XYLT1: variants seen among roughly 807,000 people sequenced by gnomAD.
XYLT1 encodes the protein beta-D-xylosyltransferase 1.
A neutral mutation model predicts 91.3 loss-of-function variants in XYLT1; 36 were observed. The observed-to-expected ratio is 0.39, with a 90% CI of 0.30 to 0.52. The LOEUF is 0.52. Among genes scored for constraint, XYLT1 ranks in the 20% least tolerant of loss-of-function variants. The pLI is 0.68. For missense variants in XYLT1, 1,242 were observed against 1,284.5 expected, an observed-to-expected ratio of 0.97 and a Z score of 0.51; for synonymous variants, 588 against 532.0, an observed-to-expected ratio of 1.11 and a Z score of -1.45.
intron 2 of XYLT1, among the ~76,000 whole-genome samples, chr16:17,339,901 A>C (rs1412389124): frequency 6.7e-6 from 1 of 148,384 alleles, no homozygotes; most frequent in Non-Finnish European, 1.5e-5. Context: ...TCCATCCATC[A>C]CCTATCCATC....
intron 1 of XYLT1, among the ~76,000 whole-genome samples, chr16:17,370,041 A>G (rs1201829875): frequency 6.6e-6 from 1 of 152,130 alleles, no homozygotes; most frequent in Non-Finnish European, 1.5e-5. Flanking sequence ...AGACCCTTAC[A>G]AAGCCCCAGC....
intron 1 of XYLT1, 73 bp from the exon 2 acceptor site, chr16:17,358,123 T>G: frequency 1.4e-6 from 2 of 1,471,514 alleles, no homozygotes; most frequent in Non-Finnish European, 1.8e-6. Flanking sequence ...ATCTTTTTCT[T>G]TCTTTCCTTT....
At chr16:17,412,832 G>A (rs1002873500) in intron 1 of XYLT1, among the ~76,000 whole-genome samples, 2 of 151,986 alleles carry the variant, frequency 1.3e-5, no homozygotes, top group African/African-American at 4.8e-5. Flanking sequence ...ATTCCTTTCC[G>A]AGATGTTTTC....
At chr16:17,421,246 G>A (rs546511831) in intron 1 of XYLT1, among the ~76,000 whole-genome samples, 1 of 152,176 alleles carries the variant, frequency 6.6e-6, no homozygotes, top group Non-Finnish European at 1.5e-5. Flanking sequence ...TAAGATAGGA[G>A]AATCACTACA....
intron 1 of XYLT1, among the ~76,000 whole-genome samples, chr16:17,359,558 G>A (rs146012903): frequency 6.6e-6 from 1 of 152,268 alleles, no homozygotes; most frequent in East Asian, 1.9e-4. Flanking sequence ...CCAACTCCCA[G>A]TAATTCTCCA....
chr16:17,300,889 G>A (rs1596472224), intron 2 of XYLT1, among the ~76,000 whole-genome samples: 2 of 152,144 alleles, frequency 1.3e-5, no homozygotes, highest in East Asian at 3.9e-4. Flanking sequence ...AAGTTAGACT[G>A]TGCTTTAAGC....
intron 2 of XYLT1, among the ~76,000 whole-genome samples, chr16:17,311,827 A>G (rs373909380): frequency 6.6e-6 from 1 of 152,060 alleles, no homozygotes; most frequent in East Asian, 1.9e-4. Flanking sequence ...CACGTCTTAC[A>G]TGGCAGCAGG....
At chr16:17,265,705 G>A (rs975415647) in intron 2 of XYLT1, among the ~76,000 whole-genome samples, 1 of 151,996 alleles carries the variant, frequency 6.6e-6, no homozygotes, top group African/African-American at 2.4e-5. Flanking sequence ...CGAGAAGCAG[G>A]TTACCTGACC....
chr16:17,285,974 CAGAG>C (rs764077384), intron 2 of XYLT1, among the ~76,000 whole-genome samples: 28 of 145,950 alleles, frequency 1.9e-4, no homozygotes, highest in Admixed American at 3.4e-4. Context: ...GACAGAGAGA[CAGAG>C]AGAGACTGTG....
At chr16:17,344,455 T>C (rs1421993217) in intron 2 of XYLT1, among the ~76,000 whole-genome samples, 1 of 146,944 alleles carries the variant, frequency 6.8e-6, no homozygotes, top group Non-Finnish European at 1.5e-5. Context: ...ATCACGCCAT[T>C]GCACTCCATC....
chr16:17,407,208 C>A (rs561499989), intron 1 of XYLT1, among the ~76,000 whole-genome samples: 81 of 152,192 alleles, frequency 5.3e-4, no homozygotes, highest in African/African-American at 1.8e-3. Context: ...GCCATGTTGG[C>A]CAGCAGTCTT....
At chr16:17,248,355 A>C (rs1344251510) in intron 3 of XYLT1, among the ~76,000 whole-genome samples, 1 of 152,172 alleles carries the variant, frequency 6.6e-6, no homozygotes, top group African/African-American at 2.4e-5. Flanking sequence ...TATCAGCAGC[A>C]TGAGAACAGA....
At chr16:17,117,345 C>T (rs1479654021) in intron 11 of XYLT1, among the ~76,000 whole-genome samples, 1 of 152,116 alleles carries the variant, frequency 6.6e-6, no homozygotes, top group East Asian at 1.9e-4. Flanking sequence ...ATCCTTAATA[C>T]CTGCCTGGGT....
chr16:17,306,043 C>T (rs945228601), intron 2 of XYLT1, among the ~76,000 whole-genome samples: 3 of 152,140 alleles, frequency 2.0e-5, no homozygotes, highest in Admixed American at 6.5e-5. Context: ...GGAGGTACCC[C>T]TGAAAAGGAG....
intron 2 of XYLT1, among the ~76,000 whole-genome samples, chr16:17,349,665 G>A (rs942556709): frequency 2.0e-5 from 3 of 150,766 alleles, no homozygotes; most frequent in Non-Finnish European, 4.4e-5. Flanking sequence ...TCTGTAAAAC[G>A]GGGATGACAG....
At chr16:17,412,068 G>A (rs780585781) in intron 1 of XYLT1, among the ~76,000 whole-genome samples, 14 of 152,144 alleles carry the variant, frequency 9.2e-5, no homozygotes, top group Non-Finnish European at 1.2e-4. Flanking sequence ...CAATATTCAT[G>A]TTTTAATTAG....
rs1454967834 is a variant in XYLT1, at chr16:17,200,607, T to C, written c.961A>G (p.Met321Val). Residue 321 changes from methionine (M) to valine (V), a missense_variant, in exon 4 of 12, where the codon ATG (methionine) becomes GTG (valine). This residue lies in a region of XYLT1 where 294 missense variants were observed against 376.0 expected (regional missense o/e 0.78). Transcript: ENST00000261381. ...VQWDEDSVEYMPANPVRIAFV... is the reference protein window; with the variant it reads ...VQWDEDSVEYVPANPVRIAFV... ...GCGATTCTGACCGGGTTGGCTGGCA[T>C]GTACTCCACGGAGTCCTCGTCCCAC... 3 of 1,614,160 alleles carry C rather than the reference T, an allele frequency of 1.9e-6. 1 individual carries two copies. Among genetic ancestry groups the C allele is most frequent in the South Asian group, 2.2e-5 (2 of 91,084 alleles).
chr16:17,341,810 C>T (rs781137086), intron 2 of XYLT1, among the ~76,000 whole-genome samples: 4 of 152,210 alleles, frequency 2.6e-5, no homozygotes, highest in Non-Finnish European at 4.4e-5. Flanking sequence ...TTTCAGAACA[C>T]ATCCAGCATC....
chr16:17,465,705 C>T (rs2036887754), intron 1 of XYLT1, among the ~76,000 whole-genome samples: 1 of 152,170 alleles, frequency 6.6e-6, no homozygotes, highest in East Asian at 1.9e-4. Flanking sequence ...ATTCATTCTA[C>T]TGCCTTGGAT....
Sources: gnomAD v4.1 joint callset for allele counts (sites outside exome capture counted in the v4.1 genomes callset) on GRCh38, gnomAD v4.1.1 for gene constraint, gnomAD v4.1.1 regional missense constraint, MANE v1.5 for transcripts, NCBI Gene and HGNC (gene_info 2026-07-23, HGNC 2026-07-21) for gene names.